LOXHD1: variants seen among roughly 807,000 people sequenced by gnomAD.
LOXHD1 encodes the protein lipoxygenase homology PLAT domains 1, also known as lipoxygenase homology domain-containing protein 1.
Under a neutral mutation model 248.2 loss-of-function variants are expected in LOXHD1, and 205 were observed. The ratio of observed to expected loss-of-function variants is 0.83; its 90% CI spans 0.74 to 0.93. The LOEUF is 0.93. Ranked by LOEUF, LOXHD1 falls within the 40% of genes least tolerant of loss-of-function variation. LOXHD1 has a pLI of 0.00. For missense variants in LOXHD1, 2,930 were observed against 2,971.6 expected (o/e 0.99, Z 0.33); for synonymous variants, 1,113 against 1,162.8 (o/e 0.96, Z 0.87).
intron 4 of LOXHD1, among the ~76,000 whole-genome samples, chr18:46,632,266 G>T (rs939684534): frequency 6.6e-6 from 1 of 152,212 alleles, no homozygotes; most frequent in Non-Finnish European, 1.5e-5. Context: ...AGGACTCCAT[G>T]ATTTGAGGCC....
Position 46,601,450 on chromosome 18 carries a change from T to A in LOXHD1, c.901A>T (p.Thr301Ser). The A allele has an allele frequency of 6.4e-7, 1 of 1,551,708 alleles. No individual in the cohort carries two copies. The highest frequency in any genetic ancestry group is 8.7e-7 in the Non-Finnish European group (1 of 1,147,024). ...CCCCGGACATCCCCAGTGAAGACGG[T>A]GACAATATACGTAATAGCTGGTGTG... ...AETTAITYIV[T>S]VFTGDVRGAG... Residue 301 changes from threonine (T) to serine (S), a missense_variant, in exon 8 of 41, where the codon ACC becomes TCC. Physicochemically the swap from Thr to Ser is moderately conservative, Grantham distance 58. Coordinates refer to ENST00000642948, the MANE Select transcript of LOXHD1 (RefSeq NM_001384474.1).
intron 26 of LOXHD1, among the ~76,000 whole-genome samples, chr18:46,537,198 C>A (rs1327888578): frequency 6.6e-6 from 1 of 152,184 alleles, no homozygotes; most frequent in Non-Finnish European, 1.5e-5. Flanking sequence ...AGTCCATTTG[C>A]TTGTCTACTG....
chr18:46,574,795 C>T (rs74349210), intron 14 of LOXHD1, among the ~76,000 whole-genome samples: 1 of 152,218 alleles, frequency 6.6e-6, no homozygotes, highest in Non-Finnish European at 1.5e-5. Flanking sequence ...CACATGCTGG[C>T]CAGGAAGGTG....
At chr18:46,533,403 A>C in intron 27 of LOXHD1, 79 bp from the exon 28 acceptor site, 135 of 1,472,958 alleles carry the variant, frequency 9.2e-5, no homozygotes, top group Non-Finnish European at 1.0e-4. Context: ...CTCAATACTC[A>C]TGGAGACCAA....
intron 37 of LOXHD1, among the ~76,000 whole-genome samples, chr18:46,503,909 G>A (rs920268130): frequency 2.6e-5 from 4 of 152,074 alleles, no homozygotes; most frequent in African/African-American, 4.8e-5. Context: ...AAGATGGGCC[G>A]GCACACAGAA....
chr18:46,585,617 A>C (rs2038044818), intron 12 of LOXHD1, among the ~76,000 whole-genome samples: 1 of 152,180 alleles, frequency 6.6e-6, no homozygotes, highest in Non-Finnish European at 1.5e-5. Context: ...AATACTCCCC[A>C]AACTGGTCTA....
At chr18:46,534,033 T>C (rs1041600360) in intron 27 of LOXHD1, among the ~76,000 whole-genome samples, 1 of 152,228 alleles carries the variant, frequency 6.6e-6, no homozygotes, top group Non-Finnish European at 1.5e-5. Flanking sequence ...GTGGATTTTC[T>C]ATGTGAGTTG....
chr18:46,578,753 G>A (rs1438725991), intron 13 of LOXHD1, among the ~76,000 whole-genome samples: 5 of 152,202 alleles, frequency 3.3e-5, no homozygotes, highest in Non-Finnish European at 7.3e-5. Flanking sequence ...CTGCAACAAC[G>A]ACTCTGTACT....
Position 46,639,780 on chromosome 18 carries a change from C to G in LOXHD1, c.347G>C (p.Gly116Ala). 6.4e-7 allele frequency: 1 copy of G among 1,551,728 alleles called. No individual in the cohort carries two copies. The highest frequency in any genetic ancestry group is 8.7e-7 in the Non-Finnish European group (1 of 1,147,002). ...GTCCAGGTACCAGCTGGCATTCAAG[C>G]CCGTGTTGTCATGCTCAATCCTGAG... is the stretch of plus-strand genomic sequence containing the variant. ...YKVRIEHDNT[G>A]LNASWYLDHV... is the part of the protein sequence containing the mutation. The change falls in exon 4 of 41, where the codon GGC becomes GCC. Residue 116 changes from glycine (G) to alanine (A), a missense_variant. By Grantham distance (60) the Gly-to-Ala change is moderately conservative. Coordinates refer to ENST00000642948, the MANE Select transcript of LOXHD1 (RefSeq NM_001384474.1).
chr18:46,604,975 A>G (rs2038390783), intron 6 of LOXHD1, among the ~76,000 whole-genome samples: 1 of 152,232 alleles, frequency 6.6e-6, no homozygotes, highest in South Asian at 2.1e-4. Context: ...TCATAACATC[A>G]TGTTATATAC....
intron 18 of LOXHD1, among the ~76,000 whole-genome samples, chr18:46,562,368 T>G (rs780069872): frequency 2.6e-5 from 4 of 152,258 alleles, no homozygotes; most frequent in Admixed American, 6.5e-5. Flanking sequence ...CACATATATC[T>G]GCACATGCAC....
chr18:46,565,260 C>CA (rs56205039), intron 17 of LOXHD1, among the ~76,000 whole-genome samples: 17,040 of 148,680 alleles, frequency 0.11, 1,279 homozygotes, highest in African/African-American at 0.21. Flanking sequence ...GGCTCTGTCT[C>CA]AAAAAAAAAA....
At chr18:46,644,713 C>A (rs1254933163) in intron 2 of LOXHD1, among the ~76,000 whole-genome samples, 3 of 151,762 alleles carry the variant, frequency 2.0e-5, no homozygotes, top group African/African-American at 7.3e-5. Context: ...CAGAGTGAGA[C>A]CCTGTCTCTA....
chr18:46,610,671 A>G, intron 6 of LOXHD1, 105 bp downstream of exon 6: 1 of 1,310,682 alleles, frequency 7.6e-7, no homozygotes, highest in Non-Finnish European at 1.0e-6. Flanking sequence ...GAGTGGATGC[A>G]GATGGACCTA....
chr18:46,559,180 A>G, intron 20 of LOXHD1: 2 of 1,436,568 alleles, frequency 1.4e-6, no homozygotes, highest in East Asian at 3.2e-5. Context: ...CAAGTGCCTC[A>G]GCATCTGCCA....
chr18:46,484,017 T>A (rs534917949), intron 39 of LOXHD1, among the ~76,000 whole-genome samples: 1 of 152,020 alleles, frequency 6.6e-6, no homozygotes, highest in South Asian at 2.1e-4. Context: ...GTGGTGAGAC[T>A]TGGAGAGCAG....
intron 37 of LOXHD1, among the ~76,000 whole-genome samples, chr18:46,492,795 C>G (rs1340561976): frequency 6.6e-6 from 1 of 152,158 alleles, no homozygotes; most frequent in African/African-American, 2.4e-5. Context: ...CGGACTCATT[C>G]TTTTTCATAG....
chr18:46,593,533 TC>T, intron 10 of LOXHD1, 66 bp downstream of exon 10: 1 of 1,511,682 alleles, frequency 6.6e-7, no homozygotes, highest in Non-Finnish European at 8.9e-7. Context: ...AGAACCAGAA[TC>T]CCCAGGACGA....
chr18:46,484,133 G>A (rs982725921), intron 39 of LOXHD1, among the ~76,000 whole-genome samples: 2 of 152,076 alleles, frequency 1.3e-5, no homozygotes, highest in Non-Finnish European at 2.9e-5. Context: ...GGGAATGCTG[G>A]CTTGGGTGAA....
Sources: gnomAD v4.1 joint callset for allele counts (sites outside exome capture counted in the v4.1 genomes callset) on GRCh38, gnomAD v4.1.1 for gene constraint, MANE v1.5 for transcripts, NCBI Gene and HGNC (gene_info 2026-07-23, HGNC 2026-07-21) for gene names.